Variants in ERP44 observed in about 807,000 individuals in gnomAD.
The protein encoded by ERP44 is endoplasmic reticulum protein 44, also known as endoplasmic reticulum resident protein 44.
In ERP44, 25 loss-of-function variants were observed where a neutral mutation model predicts 53.4. The ratio of observed to expected loss-of-function variants is 0.47; its 90% confidence interval spans 0.34 to 0.65. The LOEUF (loss-of-function observed/expected upper bound fraction) is 0.65. Ranked by LOEUF, ERP44 falls within the 30% of genes least tolerant of loss-of-function variation. ERP44 has a pLI of 0.01. For synonymous variants in ERP44, 145 were observed against 161.2 expected, an observed-to-expected ratio of 0.90 and a Z score of 0.76; for missense variants, 338 against 493.2, an observed-to-expected ratio of 0.69 and a Z score of 2.98.
chr9:100,055,291 T>C (rs1478955589), intron 3 of ERP44, among the ~76,000 whole-genome samples: 1 of 152,164 alleles, frequency 6.6e-6, no homozygotes. Flanking sequence ...ACTAAAAGAG[T>C]AAAACTGGAA....
intron 10 of ERP44, chr9:99,998,538 C>G (rs1323971346): frequency 1.4e-6 from 1 of 721,894 alleles, no homozygotes; most frequent in Non-Finnish European, 2.6e-6. Flanking sequence ...TGCTAATCTT[C>G]ACGCCTTCTG....
chr9:100,061,509 T>C (rs4557760), intron 1 of ERP44, among the ~76,000 whole-genome samples: 66 of 144,608 alleles, frequency 4.6e-4, no homozygotes, highest in Admixed American at 5.5e-4. Flanking sequence ...TTTATAGAAA[T>C]GTATATATTT....
At chr9:100,029,240 G>A (rs895466097) in intron 4 of ERP44, among the ~76,000 whole-genome samples, 3 of 152,142 alleles carry the variant, frequency 2.0e-5, no homozygotes, top group Non-Finnish European at 4.4e-5. Flanking sequence ...TCAACAGAGT[G>A]AAGAGGCAAC....
At chr9:99,997,071 C>T (rs1347584465) in intron 10 of ERP44, among the ~76,000 whole-genome samples, 1 of 152,088 alleles carries the variant, frequency 6.6e-6, no homozygotes, top group Non-Finnish European at 1.5e-5. Flanking sequence ...GGGTTGGTTC[C>T]ATGATCTTGC....
At chr9:100,037,121 C>A (rs1201053428) in intron 4 of ERP44, among the ~76,000 whole-genome samples, 3 of 152,166 alleles carry the variant, frequency 2.0e-5, no homozygotes, top group Admixed American at 6.5e-5. Flanking sequence ...ACCAACACCA[C>A]CCCTCACTCA....
chr9:100,026,379 C>T (rs1467494240), intron 4 of ERP44, among the ~76,000 whole-genome samples: 2 of 152,106 alleles, frequency 1.3e-5, no homozygotes, highest in Admixed American at 6.5e-5. Flanking sequence ...AAAAGAAAAA[C>T]ACGAATTTTT....
At chr9:99,997,376 TC>T (rs1830323514) in intron 10 of ERP44, among the ~76,000 whole-genome samples, 1 of 149,524 alleles carries the variant, frequency 6.7e-6, no homozygotes, top group Non-Finnish European at 1.5e-5. Flanking sequence ...TATTTGCATT[TC>T]CCTGATGATC....
intron 4 of ERP44, among the ~76,000 whole-genome samples, chr9:100,029,972 C>T (rs905909800): frequency 6.6e-6 from 1 of 152,092 alleles, no homozygotes; most frequent in Non-Finnish European, 1.5e-5. Context: ...CCTGTAGTTC[C>T]AGCTACTCAG....
At position 100,048,794 on chromosome 9, in the gene ERP44, TATGTGGAGTAC is replaced by T. The variant is rs574601499; in HGVS notation, c.286+3612_286+3622del. 7.9e-5 allele frequency among the ~76,000 whole-genome samples: 12 copies of T among 152,334 alleles called. No homozygotes were observed. The South Asian group carries it at 2.5e-3, about 32-fold the overall frequency. On this transcript the variant is annotated intron_variant, in intron 4 of 11. Coordinates refer to ENST00000262455, the MANE Select transcript of ERP44 (RefSeq NM_015051.3). The stretch of plus-strand genomic sequence containing the variant: ...AAGACAGATACTGTATGATTCCACT[TATGTGGAGTAC>T]CCAGAGTAATCGCATTTGTAGAAAA...
intron 1 of ERP44, among the ~76,000 whole-genome samples, chr9:100,090,030 T>C (rs1826532994): frequency 6.6e-6 from 1 of 152,216 alleles, no homozygotes; most frequent in South Asian, 2.1e-4. Context: ...AATACTTTTG[T>C]TGTTAGCACA....
chr9:100,046,417 T>C (rs1480634450), intron 4 of ERP44, among the ~76,000 whole-genome samples: 1 of 152,044 alleles, frequency 6.6e-6, no homozygotes, highest in African/African-American at 2.4e-5. Context: ...TAGGGCAAAA[T>C]AGGTAAGGAA....
chr9:100,098,181 A>G (rs1173871337), intron 1 of ERP44, among the ~76,000 whole-genome samples: 1 of 152,206 alleles, frequency 6.6e-6, no homozygotes, highest in African/African-American at 2.4e-5. Flanking sequence ...CCATGGGGAA[A>G]TACGTTGCAA....
At chr9:100,005,704 A>G (rs1830418892) in intron 10 of ERP44, among the ~76,000 whole-genome samples, 1 of 152,196 alleles carries the variant, frequency 6.6e-6, no homozygotes, top group East Asian at 1.9e-4. Flanking sequence ...CTACCAAACA[A>G]CCACATCTCC....
intron 1 of ERP44, among the ~76,000 whole-genome samples, chr9:100,096,939 A>C (rs1826639154): frequency 6.6e-6 from 1 of 152,236 alleles, no homozygotes; most frequent in Non-Finnish European, 1.5e-5. Flanking sequence ...TAGATGTTTT[A>C]TAAATATTTG....
chr9:99,995,082 G>GT (rs879650092), intron 10 of ERP44, among the ~76,000 whole-genome samples: 13 of 150,608 alleles, frequency 8.6e-5, no homozygotes, highest in East Asian at 3.9e-4. Context: ...TACCTAGGTA[G>GT]TTTTTTTTTC....
chr9:100,066,715 C>T (rs545890796), intron 1 of ERP44, among the ~76,000 whole-genome samples: 1 of 152,324 alleles, frequency 6.6e-6, no homozygotes, highest in Admixed American at 6.5e-5. Context: ...ACTTCCCTGA[C>T]TCCAATCAGT....
rs527317444 is a variant in ERP44 at position 100,070,736 on chromosome 9, G to A, written c.58-10564C>T. On this transcript the variant is annotated intron_variant, in intron 1 of 11. Coordinates refer to ENST00000262455, the MANE Select transcript of ERP44 (RefSeq NM_015051.3). ...TCAAGCCCAAGAAACTAGTGTATAA[G>A]AAACATTGGCTATAGAGGAACATCT... 2.0e-5 allele frequency among the ~76,000 whole-genome samples: 3 copies of A among 152,300 alleles called. No individual in the cohort carries two copies. The East Asian group carries it at 5.8e-4, about 29-fold the overall frequency.
At chr9:100,081,317 C>T (rs1826421241) in intron 1 of ERP44, among the ~76,000 whole-genome samples, 1 of 152,014 alleles carries the variant, frequency 6.6e-6, no homozygotes, top group Admixed American at 6.6e-5. Context: ...GGCCAAAAAG[C>T]ATTTAATAAG....
At chr9:100,090,561 C>T (rs1258464000) in intron 1 of ERP44, among the ~76,000 whole-genome samples, 1 of 152,002 alleles carries the variant, frequency 6.6e-6, no homozygotes, top group Non-Finnish European at 1.5e-5. Flanking sequence ...CCAGTCTGGC[C>T]AACATGGTGA....
Sources: gnomAD v4.1 joint callset for allele counts (sites outside exome capture counted in the v4.1 genomes callset) on GRCh38, gnomAD v4.1.1 for gene constraint, MANE v1.5 for transcripts, NCBI Gene and HGNC (gene_info 2026-07-23, HGNC 2026-07-21) for gene names.